The following PUS10 variants were observed in gnomAD, a reference collection of about 807,000 sequenced individuals.
PUS10 encodes pseudouridine synthase 10.
PUS10 carries 59 observed loss-of-function variants against 75.0 expected under a neutral mutation model. The ratio of observed to expected loss-of-function variants is 0.79; its 90% CI spans 0.64 to 0.98. The LOEUF is 0.98. Among genes scored for constraint, PUS10 ranks in the 50% least tolerant of loss-of-function variants. PUS10 has a pLI of 0.00. For synonymous variants in PUS10, 219 were observed against 211.6 expected, an observed-to-expected ratio of 1.03 and a Z score of -0.30; for missense variants, 650 against 614.4, an observed-to-expected ratio of 1.06 and a Z score of -0.61.
intron 4 of PUS10, among the ~76,000 whole-genome samples, chr2:60,978,614 C>A (rs1290214072): frequency 6.6e-6 from 1 of 151,922 alleles, no homozygotes; most frequent in Non-Finnish European, 1.5e-5. Context: ...GATCACAGAA[C>A]TACTGGACCC....
chr2:60,995,863 T>C (rs1678427498), intron 4 of PUS10, among the ~76,000 whole-genome samples: 1 of 152,192 alleles, frequency 6.6e-6, no homozygotes, highest in Admixed American at 6.5e-5. Context: ...ATGTTCTGAA[T>C]GCACCTGATC....
At chr2:61,006,674 C>A (rs1397758154) in intron 3 of PUS10, 31 bp from the exon 4 acceptor site, 1 of 1,532,422 alleles carries the variant, frequency 6.5e-7, no homozygotes, top group South Asian at 1.2e-5. Context: ...TGTAAATTCC[C>A]AGGAATTGCT....
chr2:60,965,473 T>G lies in PUS10; in HGVS notation c.627A>C (p.Glu209Asp), dbSNP rs1676284726. 1 of 1,604,676 alleles carries G rather than the reference T, an allele frequency of 6.2e-7. No individual in the cohort carries two copies. The highest frequency in any genetic ancestry group is 1.3e-5 in the African/African-American group (1 of 74,250). The change falls in exon 7 of 18, where the codon GAA becomes GAC. Residue 209 changes from glutamate to aspartate, a missense_variant. Glu to Asp is a conservative substitution (Grantham distance 45). Coordinates refer to ENST00000316752, the MANE Select transcript of PUS10 (RefSeq NM_144709.4). Reference sequence around the variant, plus strand: ...CTGGGTGAGCAAAGACCACACTCACTTCAAACAAGCTCTAAAAATTATAAA... The same window carrying G: ...CTGGGTGAGCAAAGACCACACTCACGTCAAACAAGCTCTAAAAATTATAAA... ...GVPIDGKSLFEVSVVFAHPET... is the reference protein window; with the variant it reads ...GVPIDGKSLFDVSVVFAHPET...
intron 2 of PUS10, among the ~76,000 whole-genome samples, chr2:61,009,327 G>A (rs1158741049): frequency 6.6e-6 from 1 of 152,192 alleles, no homozygotes; most frequent in African/African-American, 2.4e-5. Context: ...TCTGTTGTGA[G>A]AGTCATTCAT....
intron 6 of PUS10, 175 bp from the exon 7 acceptor site, chr2:60,965,659 G>T: frequency 4.5e-6 from 2 of 444,212 alleles, no homozygotes; most frequent in Non-Finnish European, 7.9e-6. Flanking sequence ...AAAGGAAATA[G>T]TTTTGTTTTT....
At chr2:60,955,869 T>C (rs1014305487) in intron 11 of PUS10, among the ~76,000 whole-genome samples, 7 of 152,128 alleles carry the variant, frequency 4.6e-5, no homozygotes, top group Non-Finnish European at 4.4e-5. Flanking sequence ...CTCTATAATC[T>C]TTCTTTCTTT....
At chr2:60,949,112 G>C (rs889130633) in intron 15 of PUS10, among the ~76,000 whole-genome samples, 4 of 152,102 alleles carry the variant, frequency 2.6e-5, no homozygotes, top group Non-Finnish European at 5.9e-5. Flanking sequence ...TTTTACCAAA[G>C]TGGTGAGTCA....
At chr2:61,000,785 G>C (rs1193730523) in intron 4 of PUS10, among the ~76,000 whole-genome samples, 1 of 152,128 alleles carries the variant, frequency 6.6e-6, no homozygotes, top group African/African-American at 2.4e-5. Context: ...AGAACGCTAA[G>C]CTTGTGGGAG....
Position 60,941,044 on chromosome 2 carries a change from T to A in PUS10, c.*1351A>T, listed in dbSNP as rs970065239. 3 of 152,320 alleles carry A rather than the reference T, an allele frequency of 2.0e-5. No individual in the cohort carries two copies. Among genetic ancestry groups the A allele is most frequent in the African/African-American group, 7.2e-5 (3 of 41,458 alleles). The allele number at this position is 152,320 out of a possible 1,614,324, so 9.4% of individuals were successfully genotyped here. On this transcript the variant is annotated 3_prime_UTR_variant, in exon 18 of 18. Transcript: ENST00000316752. ...TAATATAGAGATGGGAAATGGTTAG[T>A]AATCTAATACTAGTCAAGTCACATG... is the stretch of plus-strand genomic sequence containing the variant.
intron 1 of PUS10, 145 bp from the exon 2 acceptor site, chr2:61,012,050 A>T (rs988249126): frequency 2.1e-6 from 1 of 467,940 alleles, no homozygotes; most frequent in Non-Finnish European, 3.5e-6. Context: ...TTACACACAT[A>T]TTATAAAATA....
intron 3 of PUS10, among the ~76,000 whole-genome samples, chr2:61,007,493 G>C (rs1194531734): frequency 1.3e-5 from 2 of 151,868 alleles, no homozygotes; most frequent in Non-Finnish European, 2.9e-5. Context: ...AGAAGGTCGG[G>C]CGTGGTGGCT....
At chr2:61,005,972 T>G (rs905224242) in intron 4 of PUS10, among the ~76,000 whole-genome samples, 1 of 152,222 alleles carries the variant, frequency 6.6e-6, no homozygotes, top group South Asian at 2.1e-4. Context: ...AGTTTCTCAC[T>G]ATGCTTCATT....
chr2:60,961,670 C>T (rs367546314), intron 9 of PUS10, 122 bp from the exon 10 acceptor site: 18 of 821,516 alleles, frequency 2.2e-5, no homozygotes, highest in East Asian at 7.4e-5. Flanking sequence ...CTTTTAGTTT[C>T]GCAACAATAC....
At chr2:61,016,193 G>C (rs1168567640) in intron 1 of PUS10, among the ~76,000 whole-genome samples, 2 of 152,190 alleles carry the variant, frequency 1.3e-5, no homozygotes, top group Non-Finnish European at 2.9e-5. Context: ...TCCCAAACCT[G>C]ATTGATGAGA....
intron 5 of PUS10, among the ~76,000 whole-genome samples, chr2:60,970,519 A>T (rs1272311381): frequency 6.6e-6 from 1 of 152,138 alleles, no homozygotes; most frequent in Non-Finnish European, 1.5e-5. Flanking sequence ...AAAAATTTTT[A>T]AATTCAGTTG....
chr2:60,951,788 C>G (rs1401415715), intron 15 of PUS10, among the ~76,000 whole-genome samples: 1 of 152,204 alleles, frequency 6.6e-6, no homozygotes, highest in African/African-American at 2.4e-5. Flanking sequence ...AACATATCAT[C>G]CTCTATAGAG....
chr2:60,985,744 A>G (rs1200828521), intron 4 of PUS10, among the ~76,000 whole-genome samples: 1 of 151,996 alleles, frequency 6.6e-6, no homozygotes. Context: ...CAAGCAATCC[A>G]CCCATCTAGC....
intron 11 of PUS10, among the ~76,000 whole-genome samples, chr2:60,956,078 T>C (rs1010593354): frequency 2.0e-5 from 3 of 151,110 alleles, no homozygotes; most frequent in African/African-American, 7.3e-5. Context: ...CTGCAAATAT[T>C]GGAAGGAGAA....
chr2:61,007,210 CTTTTG>C (rs1348713876), intron 3 of PUS10, among the ~76,000 whole-genome samples: 3 of 146,332 alleles, frequency 2.1e-5, no homozygotes, highest in East Asian at 1.9e-4. Context: ...GAAGAGTAGG[CTTTTG>C]TTTTTTTTTT....
Sources: allele counts gnomAD v4.1 joint callset (sites outside exome capture counted in the v4.1 genomes callset), GRCh38; gene constraint gnomAD v4.1.1; transcripts MANE v1.5; gene names NCBI Gene and HGNC (gene_info 2026-07-23, HGNC 2026-07-21).